MROH1: variants seen among roughly 807,000 people sequenced by gnomAD.
MROH1 encodes the protein maestro heat-like repeat-containing protein family member 1.
A neutral mutation model predicts 116.5 loss-of-function variants in MROH1; 117 were observed. The ratio of observed to expected loss-of-function variants is 1.00; its 90% CI spans 0.86 to 1.17. The LOEUF is 1.17. Among genes scored for constraint, MROH1 ranks in the 50% most tolerant of loss-of-function variants. The probability of loss-of-function intolerance (pLI) is 0.00; values close to 1 mark genes in which losing one functional copy is unlikely to be tolerated. For missense variants in MROH1, 1,873 were observed against 1,338.5 expected (o/e 1.40, Z -6.23); for synonymous variants, 921 against 583.9 (o/e 1.58, Z -8.32).
intron 14 of MROH1, among the ~76,000 whole-genome samples, chr8:144,235,357 C>T (rs11992210): frequency 0.56 from 84,069 of 151,456 alleles, 23,542 homozygotes; most frequent in East Asian, 0.72. Flanking sequence ...TATTTAATTT[C>T]CTTGCTTAGC....
chr8:144,209,160 G>A (rs1053325662), intron 12 of MROH1, among the ~76,000 whole-genome samples: 2 of 152,048 alleles, frequency 1.3e-5, no homozygotes, highest in African/African-American at 4.8e-5. Flanking sequence ...GCCTCCCAAA[G>A]TGCTGGGATT....
chr8:144,199,150 C>T lies in MROH1; in HGVS notation c.977C>T (p.Pro326Leu), dbSNP rs768777894. 4 of 1,613,756 alleles carry T rather than the reference C, an allele frequency of 2.5e-6. No homozygotes were observed. Among genetic ancestry groups the T allele is most frequent in the South Asian group, 1.1e-5 (1 of 91,000 alleles). ...TGTGTGCCTGTGGAGTCCTCAAGCC[C>T]CCTGGTGATGAGTAACCAGAAGGAG... is the stretch of plus-strand genomic sequence containing the variant. The part of the protein sequence containing the change: ...QICVPVESSS[P>L]LVMSNQKEVL... The change falls in exon 11 of 44, where the codon CCC (proline) becomes CTC (leucine). Residue 326 changes from proline (P) to leucine (L), a missense_variant. By Grantham distance (98) the Pro-to-Leu change is moderately conservative. Coordinates refer to ENST00000326134, the MANE Select transcript of MROH1 (RefSeq NM_032450.3).
chr8:144,198,780 T>C (rs1482168700), intron 10 of MROH1, among the ~76,000 whole-genome samples: 1 of 152,124 alleles, frequency 6.6e-6, no homozygotes, highest in Non-Finnish European at 1.5e-5. Context: ...GGGAATCTCT[T>C]TTCCTGCTGC....
chr8:144,148,583 T>G (rs1815978023), intron 1 of MROH1: 1 of 152,652 alleles, frequency 6.6e-6, no homozygotes. Context: ...CGGGCCTCCG[T>G]ATGCCTTCCG....
intron 29 of MROH1, 94 bp downstream of exon 29, chr8:144,245,354 C>T: frequency 1.4e-6 from 1 of 727,220 alleles, no homozygotes; most frequent in Non-Finnish European, 2.5e-6. Context: ...GGCCGCCGCC[C>T]CAGCTCAGGC....
At chr8:144,208,233 C>G (rs574702316) in intron 12 of MROH1, among the ~76,000 whole-genome samples, 2 of 152,250 alleles carry the variant, frequency 1.3e-5, no homozygotes, top group African/African-American at 4.8e-5. Flanking sequence ...CGTGAGCCAC[C>G]ACACCCGGCC....
At chr8:144,169,961 G>A (rs1239553525) in intron 4 of MROH1, among the ~76,000 whole-genome samples, 5 of 152,228 alleles carry the variant, frequency 3.3e-5, no homozygotes, top group African/African-American at 1.2e-4. Context: ...AGCCTCCCAA[G>A]TAGCTGGGAT....
At chr8:144,240,856 A>G in intron 20 of MROH1, 136 bp from the exon 21 acceptor site, 1 of 688,878 alleles carries the variant, frequency 1.5e-6, no homozygotes, top group South Asian at 1.6e-5. Flanking sequence ...TATTCCTCAG[A>G]TGTTGCCCCA....
chr8:144,179,319 T>TC, intron 4 of MROH1, 136 bp from the exon 5 acceptor site: 1 of 1,274,044 alleles, frequency 7.8e-7, no homozygotes, highest in Non-Finnish European at 1.1e-6. Flanking sequence ...TGAGGAGTGA[T>TC]CAGGTGTACC....
Position 144,180,622 on chromosome 8 carries a change from C to A in MROH1, c.562+99C>A. On this transcript the variant is annotated intron_variant, in intron 7 of 43. Transcript: ENST00000326134. The surrounding 1 kb of genome is among the most constrained non-coding windows in gnomAD (Gnocchi z 7.4). ...AGGGGGGACAGGTGGGCACTTTAGG[C>A]TGCAGGAAGGGGGGCTGTTGGAGGG... The A allele has an allele frequency of 2.6e-6, 3 of 1,174,820 alleles. No individual in the cohort carries two copies. The highest frequency in any genetic ancestry group is 1.2e-6 in the Non-Finnish European group (1 of 846,060). 72.8% of individuals were successfully genotyped at this position (1,174,820 alleles called of 1,614,324 possible). A position where few individuals can be genotyped will look rare whatever the true frequency, so the allele number is the denominator to read the frequency against.
chr8:144,260,359 G>T lies in MROH1; in HGVS notation c.4365G>T (p.Arg1455=). The part of the protein sequence containing the change: ...SGLLHVAIRI[R]PFFDSEKMEF... ...TGCTGCACGTGGCCATCCGCATCCG[G>T]CCTTTCTTCGACAGTGTAGGCTGGT... Residue 1455 remains arginine (R), a synonymous_variant, in exon 39 of 44, where the codon CGG becomes CGT. Transcript: ENST00000326134. 1.4e-6 allele frequency: 1 copy of T among 723,100 alleles called. No individual in the cohort carries two copies. Among genetic ancestry groups the T allele is most frequent in the East Asian group, 2.6e-5 (1 of 38,442 alleles). The allele number at this position is 723,100 out of a possible 1,614,324, so 44.8% of individuals were successfully genotyped here.
At chr8:144,183,541 CCA>C (rs1202052514) in intron 7 of MROH1, among the ~76,000 whole-genome samples, 1 of 151,714 alleles carries the variant, frequency 6.6e-6, no homozygotes, top group Non-Finnish European at 1.5e-5. Flanking sequence ...AAACCTAGGC[CCA>C]CGGAGGTCAA....
chr8:144,184,007 T>A (rs1371733685), intron 7 of MROH1, among the ~76,000 whole-genome samples: 1 of 152,110 alleles, frequency 6.6e-6, no homozygotes. Context: ...TCAAGGCCCC[T>A]CCTCAGCAAA....
intron 14 of MROH1, among the ~76,000 whole-genome samples, chr8:144,228,445 T>C (rs1047673627): frequency 6.6e-6 from 1 of 152,082 alleles, no homozygotes; most frequent in African/African-American, 2.4e-5. Flanking sequence ...CGGTGGTTGC[T>C]GAAGGTTAGG....
chr8:144,261,303 G>A lies in MROH1; in HGVS notation c.4794G>A (p.Ser1598=), dbSNP rs1288976557. 19 of 730,622 alleles carry A rather than the reference G, an allele frequency of 2.6e-5. No individual in the cohort carries two copies. The highest frequency in any genetic ancestry group is 8.6e-5 in the South Asian group (6 of 69,912). The allele number at this position is 730,622 out of a possible 1,614,324, so 45.3% of individuals were successfully genotyped here. A position where few individuals can be genotyped will look rare whatever the true frequency, so the allele number is the denominator to read the frequency against. The change falls in exon 43 of 44, where the codon TCG becomes TCA. Residue 1598 remains serine (S), a synonymous_variant. Coordinates refer to ENST00000326134, the MANE Select transcript of MROH1 (RefSeq NM_032450.3). ...PLFTGFLVLH[S]EPRQQPQVDL... The stretch of plus-strand genomic sequence containing the variant: ...TCACAGGGTTCCTGGTGCTGCACTC[G>A]GAGCCCAGGCAGCAGCCGCAGGTGG...
Position 144,261,844 on chromosome 8 carries a change from GCCTGGCCCCAGAAC to G in MROH1, c.*105_*118del. The stretch of plus-strand genomic sequence containing the variant: ...ACAGCCTGGGCACACGACTGGAGGG[GCCTGGCCCCAGAAC>G]AGGCACTGCTGGGGACCAAACCCAA... On this transcript the variant is annotated 3_prime_UTR_variant, in exon 44 of 44. Coordinates refer to ENST00000326134, the MANE Select transcript of MROH1 (RefSeq NM_032450.3). 1 of 696,358 alleles carries G rather than the reference GCCTGGCCCCAGAAC, an allele frequency of 1.4e-6. No homozygotes were observed. Among genetic ancestry groups the G allele is most frequent in the Non-Finnish European group, 2.6e-6 (1 of 382,656 alleles). 43.1% of individuals were successfully genotyped at this position (696,358 alleles called of 1,614,324 possible).
intron 31 of MROH1, 43 bp downstream of exon 31, chr8:144,247,722 G>T (rs1842140344): frequency 1.2e-5 from 9 of 720,764 alleles, no homozygotes; most frequent in Non-Finnish European, 1.5e-5. Context: ...GGCTGGCACT[G>T]TCTGGGGCTA....
At position 144,174,044 on chromosome 8, in the gene MROH1, T is replaced by C. The variant is rs1006760613; in HGVS notation, c.169-5411T>C. On this transcript the variant is annotated intron_variant, in intron 4 of 43. Transcript: ENST00000326134. Reference sequence around the variant, plus strand: ...GTTAGGCCACCTCCCCTCTGCCAACTGAGTCTGGGGTCTTTATAGGCACAG... The same window carrying C: ...GTTAGGCCACCTCCCCTCTGCCAACCGAGTCTGGGGTCTTTATAGGCACAG... Among the ~76,000 whole-genome samples the C allele has an allele frequency of 2.0e-5, 3 of 152,174 alleles. No homozygotes were observed. The East Asian group carries it at 5.8e-4, about 29-fold the overall frequency.
chr8:144,223,263 CCCACGCTGCCCCTGG>C (rs763427809), intron 14 of MROH1, 33 bp downstream of exon 14: 1 of 1,565,688 alleles, frequency 6.4e-7, no homozygotes, highest in African/African-American at 1.4e-5. Flanking sequence ...GCCTCCTAGG[CCCACGCTGCCCCTGG>C]CCTGTGTTAG....
Sources: gnomAD v4.1 joint callset for allele counts (sites outside exome capture counted in the v4.1 genomes callset) on GRCh38, gnomAD v4.1.1 for gene constraint, Gnocchi (gnomAD v3.1) non-coding constraint, MANE v1.5 for transcripts, NCBI Gene and HGNC (gene_info 2026-07-23, HGNC 2026-07-21) for gene names.